ENPP1: variants seen among roughly 807,000 people sequenced by gnomAD.
ENPP1 encodes the protein ectonucleotide pyrophosphatase/phosphodiesterase family member 1.
In ENPP1, 73 loss-of-function variants were observed where a neutral mutation model predicts 122.8. The observed-to-expected ratio is 0.59, with a 90% confidence interval of 0.49 to 0.72. ENPP1 has a LOEUF of 0.72. Among genes scored for constraint, ENPP1 ranks in the 30% least tolerant of loss-of-function variants. The pLI, the probability that ENPP1 is intolerant of heterozygous loss-of-function variation, is 0.00. For synonymous variants in ENPP1, 367 were observed against 391.6 expected, an observed-to-expected ratio of 0.94 and a Z score of 0.74; for missense variants, 978 against 1,128.1, an observed-to-expected ratio of 0.87 and a Z score of 1.91.
chr6:131,847,289 T>C (rs956312918), intron 1 of ENPP1, among the ~76,000 whole-genome samples: 2 of 152,240 alleles, frequency 1.3e-5, no homozygotes, highest in Non-Finnish European at 2.9e-5. Flanking sequence ...ATAATTTTTA[T>C]GACTAATTCA....
intron 1 of ENPP1, among the ~76,000 whole-genome samples, chr6:131,810,669 C>CCAG (rs1386280061): frequency 6.6e-6 from 1 of 152,104 alleles, no homozygotes; most frequent in Non-Finnish European, 1.5e-5. Flanking sequence ...TAGGAGAGGC[C>CCAG]CAGCACTATG....
chr6:131,820,721 A>T (rs1781474682), intron 1 of ENPP1: 2 of 152,340 alleles, frequency 1.3e-5, no homozygotes, highest in South Asian at 4.1e-4. Flanking sequence ...GAGATGAAAA[A>T]ATCATGGCTC....
intron 1 of ENPP1, among the ~76,000 whole-genome samples, chr6:131,815,613 T>C (rs979053818): frequency 1.3e-4 from 20 of 152,146 alleles, no homozygotes; most frequent in African/African-American, 4.3e-4. Context: ...TCCTTGGTGG[T>C]CACATTGAGA....
chr6:131,875,847 C>A lies in ENPP1; in HGVS notation c.1707C>A (p.Val569=). ...IEADTFENIE[V]YNLMCDLLNL... ...CTGACACCTTTGAAAACATTGAAGT[C>A]TATAACTTAATGTGTGGTAAGTGTG... The change falls in exon 17 of 25, where the codon GTC becomes GTA. Residue 569 remains valine, a synonymous_variant. Transcript: ENST00000647893. 6.2e-7 allele frequency: 1 copy of A among 1,612,574 alleles called. No homozygotes were observed. Among genetic ancestry groups the A allele is most frequent in the South Asian group, 1.1e-5 (1 of 91,042 alleles).
chr6:131,825,069 A>G (rs1208656862), intron 1 of ENPP1, among the ~76,000 whole-genome samples: 1 of 152,084 alleles, frequency 6.6e-6, no homozygotes, highest in South Asian at 2.1e-4. Context: ...CAAAAAAAAA[A>G]CAAACAAACA....
Position 131,819,800 on chromosome 6 carries a change from C to G in ENPP1, c.240+11525C>G, listed in dbSNP as rs191358953. 1,481 of 393,574 alleles carry G rather than the reference C, an allele frequency of 3.8e-3. 7 individuals carry two copies. Among genetic ancestry groups the G allele is most frequent in the Non-Finnish European group, 5.3e-3 (1,077 of 201,968 alleles). The allele number at this position is 393,574 out of a possible 1,614,324, so 24.4% of individuals were successfully genotyped here. On this transcript the variant is annotated intron_variant, in intron 1 of 24. Transcript: ENST00000647893. Reference sequence around the variant, plus strand: ...CCAGTTGTCTGCTTCATAGAGCAGACATTTACCTTCCTCATCCACCAGCCA... The same window carrying G: ...CCAGTTGTCTGCTTCATAGAGCAGAGATTTACCTTCCTCATCCACCAGCCA...
At chr6:131,858,169 C>G (rs1781973580) in intron 6 of ENPP1, among the ~76,000 whole-genome samples, 1 of 152,200 alleles carries the variant, frequency 6.6e-6, no homozygotes, top group African/African-American at 2.4e-5. Context: ...AGTCGGACTT[C>G]TGCACTTTCT....
intron 1 of ENPP1, among the ~76,000 whole-genome samples, chr6:131,835,871 T>C (rs879646843): frequency 2.6e-5 from 4 of 152,188 alleles, no homozygotes; most frequent in Admixed American, 6.5e-5. Context: ...TTCTCTTTCA[T>C]GTACATCATA....
chr6:131,816,438 T>G (rs1323103576), intron 1 of ENPP1, among the ~76,000 whole-genome samples: 1 of 152,198 alleles, frequency 6.6e-6, no homozygotes. Context: ...TAGATTACTC[T>G]TCTAAGCATA....
At chr6:131,846,492 C>T (rs528271291) in intron 1 of ENPP1, among the ~76,000 whole-genome samples, 1 of 152,244 alleles carries the variant, frequency 6.6e-6, no homozygotes, top group South Asian at 2.1e-4. Flanking sequence ...TCATTTCCCC[C>T]CCATTCAGAG....
At chr6:131,885,241 A>G (rs1395946996) in intron 23 of ENPP1, among the ~76,000 whole-genome samples, 178 bp downstream of exon 23, 1 of 152,214 alleles carries the variant, frequency 6.6e-6, no homozygotes, top group Non-Finnish European at 1.5e-5. Flanking sequence ...GTTTTGCTCA[A>G]TGTTCAGTAA....
rs59956343 is a variant in ENPP1 at position 131,847,856 on chromosome 6, GGTGTGTGTGTGTGT to G, written c.313+33_313+46del. 3.7e-5 allele frequency: 44 copies of G among 1,182,012 alleles called. No individual in the cohort carries two copies. The highest frequency in any genetic ancestry group is 2.2e-4 in the East Asian group (9 of 40,538). 73.2% of individuals were successfully genotyped at this position (1,182,012 alleles called of 1,614,324 possible). On this transcript the variant is annotated intron_variant, in intron 2 of 24. Transcript: ENST00000647893. ...CAAGCTGTGCCAAAGAAGGTAATTA[GGTGTGTGTGTGTGT>G]GTGTGTGTGTGTGTGTGTGTGTGTA...
chr6:131,826,067 T>C lies in ENPP1; in HGVS notation c.240+17792T>C. On this transcript the variant is annotated intron_variant, in intron 1 of 24. Coordinates refer to ENST00000647893, the MANE Select transcript of ENPP1 (RefSeq NM_006208.3). ...AAATTCTCTTCAACAATCAGACAGCTCTGCTTTAGGGACTGATATCCTTCC... is the reference window on the plus strand; with the variant it reads ...AAATTCTCTTCAACAATCAGACAGCCCTGCTTTAGGGACTGATATCCTTCC... 3.9e-6 allele frequency: 3 copies of C among 774,304 alleles called. No individual in the cohort carries two copies. The South Asian group carries it at 4.0e-5, about 10-fold the overall frequency. The allele number at this position is 774,304 out of a possible 1,614,324, so 48.0% of individuals were successfully genotyped here.
In ENPP1 at chr6:131,858,693, C is replaced by T. The variant is rs1225778179; in HGVS notation, c.741C>T (p.Asn247=). The part of the protein sequence containing the change: ...KLKKCGTYTK[N]MRPVYPTKTF... Reference sequence around the variant, plus strand: ...AAAAATGTGGAACATATACTAAAAACATGAGACCGGTATATCCAACAAAAA... The same window carrying T: ...AAAAATGTGGAACATATACTAAAAATATGAGACCGGTATATCCAACAAAAA... The change falls in exon 7 of 25, where the codon AAC becomes AAT. Residue 247 remains asparagine (N), a synonymous_variant. Transcript: ENST00000647893. The T allele has an allele frequency of 1.2e-6, 2 of 1,610,386 alleles. No homozygotes were observed. The highest frequency in any genetic ancestry group is 2.2e-5 in the South Asian group (2 of 90,996).
At chr6:131,808,344 G>C in intron 1 of ENPP1, 69 bp downstream of exon 1, 1 of 1,412,234 alleles carries the variant, frequency 7.1e-7, no homozygotes. Flanking sequence ...CCGAGCTCCT[G>C]CGCTCTCAGC....
chr6:131,854,988 C>T lies in ENPP1; in HGVS notation c.680C>T (p.Thr227Ile). Reference protein sequence around the residue: ...LDGFRAEYLHTWGGLLPVISK... With the variant: ...LDGFRAEYLHIWGGLLPVISK... Reference sequence around the variant, plus strand: ...GGATTCAGGGCAGAATATTTACACACTTGGGGTGGACTTCTTCCTGTTATT... The same window carrying T: ...GGATTCAGGGCAGAATATTTACACATTTGGGGTGGACTTCTTCCTGTTATT... Residue 227 changes from threonine (T) to isoleucine (I), a missense_variant, in exon 6 of 25, where the codon ACT (threonine) becomes ATT (isoleucine). Physicochemically the swap from Thr to Ile is moderately conservative, Grantham distance 89. This residue lies in a region of ENPP1 where 330 missense variants were observed against 328.5 expected (regional missense o/e 1.00). Coordinates refer to ENST00000647893, the MANE Select transcript of ENPP1 (RefSeq NM_006208.3). 6.2e-7 allele frequency: 1 copy of T among 1,613,484 alleles called. No homozygotes were observed. Among genetic ancestry groups the T allele is most frequent in the South Asian group, 1.1e-5 (1 of 91,076 alleles).
chr6:131,889,746 A>G (rs1012306240), intron 24 of ENPP1, among the ~76,000 whole-genome samples: 1 of 152,130 alleles, frequency 6.6e-6, no homozygotes, highest in Non-Finnish European at 1.5e-5. Flanking sequence ...TGCTGCACTG[A>G]ACATATGCGT....
chr6:131,813,101 A>T lies in ENPP1; in HGVS notation c.240+4826A>T, dbSNP rs543858137. 1.4e-4 allele frequency among the ~76,000 whole-genome samples: 21 copies of T among 152,214 alleles called. No homozygotes were observed. In the South Asian group the frequency reaches 3.5e-3, roughly 26 times the overall value. On this transcript the variant is annotated intron_variant, in intron 1 of 24. Transcript: ENST00000647893. ...GGAATTTCACCCACCTCAGCCTCCC[A>T]AAGTGCTATGATTATAGGCGTGAGC...
At position 131,886,930 on chromosome 6, in the gene ENPP1, T is replaced by TC. The variant is rs11442568; in HGVS notation, c.2607+206_2607+207insC. 0.064 allele frequency among the ~76,000 whole-genome samples: 9,367 copies of TC among 147,368 alleles called. 637 individuals carry two copies. The highest frequency in any genetic ancestry group is 0.18 in the African/African-American group (7,047 of 40,100). The stretch of plus-strand genomic sequence containing the variant: ...CTTGTCTGCTTTTACTTTTTTCTTT[T>TC]TTTTTTTTTTTTTTTTAGAGATAGG... On this transcript the variant is annotated intron_variant, in intron 24 of 24. Coordinates refer to ENST00000647893, the MANE Select transcript of ENPP1 (RefSeq NM_006208.3).
Sources: gnomAD v4.1 joint callset for allele counts (sites outside exome capture counted in the v4.1 genomes callset) on GRCh38, gnomAD v4.1.1 for gene constraint, gnomAD v4.1.1 regional missense constraint, MANE v1.5 for transcripts, NCBI Gene and HGNC (gene_info 2026-07-23, HGNC 2026-07-21) for gene names.